The following SH3RF3 variants were observed in gnomAD, a reference collection of about 807,000 sequenced individuals.
The protein encoded by SH3RF3 is SH3 domain containing ring finger 3.
SH3RF3 carries 29 observed loss-of-function variants against 66.3 expected under a neutral mutation model. The observed-to-expected ratio is 0.44, with a 90% confidence interval of 0.33 to 0.60. The LOEUF is 0.60. Ranked by LOEUF, SH3RF3 falls within the 20% of genes least tolerant of loss-of-function variation. The pLI is 0.04. For synonymous variants in SH3RF3, 583 were observed against 532.0 expected, an observed-to-expected ratio of 1.10 and a Z score of -1.32; for missense variants, 1,194 against 1,190.9, an observed-to-expected ratio of 1.00 and a Z score of -0.04.
At chr2:109,299,009 C>A (rs1301627557) in intron 1 of SH3RF3, among the ~76,000 whole-genome samples, 1 of 152,206 alleles carries the variant, frequency 6.6e-6, no homozygotes, top group Non-Finnish European at 1.5e-5. Flanking sequence ...CCCACTGCCT[C>A]CCTGGTGATG....
At chr2:109,216,252 TTCTC>T (rs1679099337) in intron 1 of SH3RF3, among the ~76,000 whole-genome samples, 1 of 152,182 alleles carries the variant, frequency 6.6e-6, no homozygotes, top group Admixed American at 6.5e-5. Flanking sequence ...CCTAACTACT[TTCTC>T]TCTGGCCAGC....
At chr2:109,192,056 C>G (rs921457194) in intron 1 of SH3RF3, among the ~76,000 whole-genome samples, 19 of 152,156 alleles carry the variant, frequency 1.2e-4, no homozygotes, top group African/African-American at 4.6e-4. Flanking sequence ...TTGAATTTGT[C>G]TACCTGCACC....
At chr2:109,309,343 T>G (rs909604316) in intron 1 of SH3RF3, among the ~76,000 whole-genome samples, 9 of 150,688 alleles carry the variant, frequency 6.0e-5, no homozygotes, top group African/African-American at 2.0e-4. Context: ...AAAGAGCTCC[T>G]GAAGGAAGCG....
At chr2:109,324,360 G>A (rs1165201687) in intron 1 of SH3RF3, among the ~76,000 whole-genome samples, 2 of 152,148 alleles carry the variant, frequency 1.3e-5, no homozygotes, top group Non-Finnish European at 2.9e-5. Context: ...CTTCTGAGGG[G>A]CTGCCAGGCA....
chr2:109,263,232 G>T (rs1383896977), intron 1 of SH3RF3, among the ~76,000 whole-genome samples: 1 of 152,146 alleles, frequency 6.6e-6, no homozygotes, highest in Non-Finnish European at 1.5e-5. Flanking sequence ...CTTTACTAGT[G>T]CTCTTTGTCA....
At chr2:109,210,910 G>A (rs541935661) in intron 1 of SH3RF3, among the ~76,000 whole-genome samples, 4 of 152,322 alleles carry the variant, frequency 2.6e-5, no homozygotes, top group African/African-American at 7.2e-5. Context: ...CACTTGACAC[G>A]TGGTGGAATT....
chr2:109,129,981 C>T lies in SH3RF3; in HGVS notation c.441C>T (p.Pro147=). Residue 147 remains proline, a synonymous_variant, in exon 1 of 10, where the codon CCC becomes CCT. Coordinates refer to ENST00000309415, the MANE Select transcript of SH3RF3 (RefSeq NM_001099289.3). ...CCATCCCAGGCCAGAGTGCGGCCCCCACGCTCGCGGGCGGCGGGGGCGGCG... is the reference window on the plus strand; with the variant it reads ...CCATCCCAGGCCAGAGTGCGGCCCCTACGCTCGCGGGCGGCGGGGGCGGCG... ...ARPIPGQSAA[P]TLAGGGGGAA... is the part of the protein sequence containing the mutation. 1 of 1,305,546 alleles carries T rather than the reference C, an allele frequency of 7.7e-7. No individual in the cohort carries two copies. Among genetic ancestry groups the T allele is most frequent in the African/African-American group, 1.5e-5 (1 of 64,638 alleles). 80.9% of individuals were successfully genotyped at this position (1,305,546 alleles called of 1,614,324 possible). A position where few individuals can be genotyped will look rare whatever the true frequency, so the allele number is the denominator to read the frequency against.
intron 8 of SH3RF3, among the ~76,000 whole-genome samples, chr2:109,483,576 TC>T (rs2104770557): frequency 6.6e-6 from 1 of 152,326 alleles, no homozygotes; most frequent in East Asian, 1.9e-4. Context: ...TCCTTTGACT[TC>T]CTATCTGCTG....
intron 1 of SH3RF3, among the ~76,000 whole-genome samples, chr2:109,334,212 GC>G (rs1682351434): frequency 6.6e-6 from 1 of 152,116 alleles, no homozygotes; most frequent in South Asian, 2.1e-4. Context: ...GAAAAAATTA[GC>G]CAGGTGTGGT....
intron 1 of SH3RF3, among the ~76,000 whole-genome samples, chr2:109,306,510 C>T (rs1574563059): frequency 6.6e-6 from 1 of 152,352 alleles, no homozygotes; most frequent in East Asian, 1.9e-4. Context: ...GGCAGGGCCT[C>T]TTTGTACATC....
At chr2:109,233,854 T>C (rs2105194723) in intron 1 of SH3RF3, among the ~76,000 whole-genome samples, 1 of 152,350 alleles carries the variant, frequency 6.6e-6, no homozygotes, top group African/African-American at 2.4e-5. Context: ...ACATTTGCGA[T>C]TGGTCTGCAT....
At chr2:109,483,600 T>C in intron 8 of SH3RF3, among the ~76,000 whole-genome samples, 1 of 152,210 alleles carries the variant, frequency 6.6e-6, no homozygotes, top group East Asian at 1.9e-4. Flanking sequence ...TCGGCCAAAA[T>C]ACTGTTATTC....
At chr2:109,289,699 A>G (rs1681118554) in intron 1 of SH3RF3, among the ~76,000 whole-genome samples, 1 of 152,290 alleles carries the variant, frequency 6.6e-6, no homozygotes, top group South Asian at 2.1e-4. Context: ...AGCATAGAAG[A>G]TGAAACATGA....
At chr2:109,279,702 T>G (rs2105338929) in intron 1 of SH3RF3, among the ~76,000 whole-genome samples, 1 of 152,346 alleles carries the variant, frequency 6.6e-6, no homozygotes. Context: ...TTTGCAGCTC[T>G]TGCCAGCTTG....
At chr2:109,148,166 A>G (rs556618601) in intron 1 of SH3RF3, among the ~76,000 whole-genome samples, 1 of 152,298 alleles carries the variant, frequency 6.6e-6, no homozygotes, top group Admixed American at 6.5e-5. Context: ...GTGTGTTCTT[A>G]CCGATGGTGG....
chr2:109,275,300 C>T (rs1228860470), intron 1 of SH3RF3, among the ~76,000 whole-genome samples: 6 of 152,154 alleles, frequency 3.9e-5, no homozygotes, highest in African/African-American at 1.4e-4. Flanking sequence ...AGCCTAGAGG[C>T]ACACCAGGGG....
At chr2:109,474,800 A>G (rs1347114133) in intron 8 of SH3RF3, among the ~76,000 whole-genome samples, 1 of 152,232 alleles carries the variant, frequency 6.6e-6, no homozygotes. Context: ...GCACAGCAGG[A>G]CTGACAGCAA....
chr2:109,487,703 C>T (rs1679019209), intron 8 of SH3RF3, among the ~76,000 whole-genome samples: 1 of 152,182 alleles, frequency 6.6e-6, no homozygotes, highest in Non-Finnish European at 1.5e-5. Flanking sequence ...CCATACCCCA[C>T]GTCCAGGCCC....
At chr2:109,475,794 C>A (rs1429972019) in intron 8 of SH3RF3, among the ~76,000 whole-genome samples, 2 of 152,194 alleles carry the variant, frequency 1.3e-5, no homozygotes, top group Non-Finnish European at 2.9e-5. Context: ...ATTCCTGGTT[C>A]CTCTGAAACA....
Sources: gnomAD v4.1 joint callset for allele counts (sites outside exome capture counted in the v4.1 genomes callset) on GRCh38, gnomAD v4.1.1 for gene constraint, MANE v1.5 for transcripts, NCBI Gene and HGNC (gene_info 2026-07-23, HGNC 2026-07-21) for gene names.